Variants in JAKMIP1 observed in about 807,000 individuals in gnomAD.
JAKMIP1 encodes janus kinase and microtubule-interacting protein 1.
JAKMIP1 carries 33 observed loss-of-function variants against 113.0 expected under a neutral mutation model. That is an observed-to-expected ratio of 0.29 (90% CI 0.22 to 0.39). JAKMIP1 has a LOEUF of 0.39. JAKMIP1 is among the 10% of genes least tolerant of loss of function. JAKMIP1 has a pLI of 1.00. For missense variants in JAKMIP1, 813 were observed against 1,080.5 expected (o/e 0.75, Z 3.47); for synonymous variants, 480 against 459.9 (o/e 1.04, Z -0.56).
At chr4:6,095,847 C>G (rs1449587384) in intron 3 of JAKMIP1, among the ~76,000 whole-genome samples, 4 of 152,222 alleles carry the variant, frequency 2.6e-5, no homozygotes, top group Admixed American at 2.6e-4. Flanking sequence ...ACAAGACAGA[C>G]TCAGTCCCTG....
In JAKMIP1 at chr4:6,129,969, C is replaced by A. The variant is rs1181869573; in HGVS notation, c.-147-16972G>T. Among the ~76,000 whole-genome samples the A allele has an allele frequency of 6.6e-6, 1 of 152,186 alleles. No homozygotes were observed. Among genetic ancestry groups the A allele is most frequent in the Admixed American group, 6.5e-5 (1 of 15,278 alleles). ...CTAACAAGTCCATCTTGATATGTCC[C>A]AGTGAAGCCAAGTTCAGGAGAAGAG... On this transcript the variant is annotated intron_variant, in intron 1 of 20. Coordinates refer to ENST00000409021, the MANE Select transcript of JAKMIP1 (RefSeq NM_001099433.2). The surrounding 1 kb of genome is among the most constrained non-coding windows in gnomAD (Gnocchi z 5.4).
Position 6,137,650 on chromosome 4 carries a change from C to G in JAKMIP1, c.-147-24653G>C, listed in dbSNP as rs1719442492. 6.6e-6 allele frequency among the ~76,000 whole-genome samples: 1 copy of G among 152,228 alleles called. No homozygotes were observed. The highest frequency in any genetic ancestry group is 6.5e-5 in the Admixed American group (1 of 15,282). ...CCCACAGGGGACCAAATGAGCTATC[C>G]TGAAATGCGGAGGCTAAAGAGCCAC... On this transcript the variant is annotated intron_variant, in intron 1 of 20. Transcript: ENST00000409021. This position sits in a 1 kb window ranked among gnomAD's most constrained non-coding sequence, Gnocchi z 4.5.
At position 6,078,922 on chromosome 4, in the gene JAKMIP1, C is replaced by T; in HGVS notation, c.1302+17G>A. On this transcript the variant is annotated intron_variant, in intron 8 of 20. Coordinates refer to ENST00000409021, the MANE Select transcript of JAKMIP1 (RefSeq NM_001099433.2). ...ACACAGCGGCAAGGTAGGGCAGGTG[C>T]ACCATCGCAGGCTCACCTTGGGCGG... The T allele has an allele frequency of 6.2e-7, 1 of 1,613,556 alleles. No individual in the cohort carries two copies. Among genetic ancestry groups the T allele is most frequent in the South Asian group, 1.1e-5 (1 of 91,066 alleles).
At chr4:6,125,011 A>T (rs771958634) in intron 1 of JAKMIP1, among the ~76,000 whole-genome samples, 26 of 152,190 alleles carry the variant, frequency 1.7e-4, no homozygotes, top group Non-Finnish European at 3.4e-4. Context: ...TGTAGGTCAC[A>T]GAGGGAGTAG....
Position 6,057,006 on chromosome 4 carries a change from G to A in JAKMIP1, c.1645-247C>T, listed in dbSNP as rs188071472. Among the ~76,000 whole-genome samples the A allele has an allele frequency of 1.9e-4, 29 of 152,262 alleles. No individual in the cohort carries two copies. In the East Asian group the frequency reaches 3.9e-3, roughly 20 times the overall value. On this transcript the variant is annotated intron_variant, in intron 11 of 20. Coordinates refer to ENST00000409021, the MANE Select transcript of JAKMIP1 (RefSeq NM_001099433.2). ...AAAGCACAATGACTCCATTCTGTCC[G>A]TCTAATTAACAGAAACATGCCTCCA...
Position 6,050,781 on chromosome 4 carries a change from C to T in JAKMIP1, c.1807-102G>A. On this transcript the variant is annotated intron_variant, in intron 13 of 20. Transcript: ENST00000409021. This position sits in a 1 kb window ranked among gnomAD's most constrained non-coding sequence, Gnocchi z 7.4. ...AAAAACCAAGGAATTCCAGTGGGCA[C>T]AGACGTTACTAAAAAGCACGAGTTC... 1.1e-6 allele frequency: 1 copy of T among 907,578 alleles called. No homozygotes were observed. Among genetic ancestry groups the T allele is most frequent in the Non-Finnish European group, 1.7e-6 (1 of 580,938 alleles). The allele number at this position is 907,578 out of a possible 1,614,324, so 56.2% of individuals were successfully genotyped here. A position where few individuals can be genotyped will look rare whatever the true frequency, so the allele number is the denominator to read the frequency against.
chr4:6,124,228 G>T (rs563037683), intron 1 of JAKMIP1, among the ~76,000 whole-genome samples: 3 of 152,338 alleles, frequency 2.0e-5, no homozygotes, highest in Admixed American at 2.0e-4. Context: ...GCTAATCCCA[G>T]AGAGGGCCAC....
At position 6,197,194 on chromosome 4, in the gene JAKMIP1, C is replaced by T. The variant is rs1050558696; in HGVS notation, c.-148+3059G>A. On this transcript the variant is annotated intron_variant, in intron 1 of 20. Transcript: ENST00000409021. The surrounding 1 kb of genome is among the most constrained non-coding windows in gnomAD (Gnocchi z 6.5). ...GTGAGTACAGGGGCTAAGCGACTTG[C>T]CCAACGTCACACTGTCAGTAGGGTG... 6.6e-6 allele frequency among the ~76,000 whole-genome samples: 1 copy of T among 152,310 alleles called. No homozygotes were observed. Among genetic ancestry groups the T allele is most frequent in the Admixed American group, 6.5e-5 (1 of 15,302 alleles).
At chr4:6,113,487 A>G (rs2108891604) in intron 1 of JAKMIP1, among the ~76,000 whole-genome samples, 1 of 152,314 alleles carries the variant, frequency 6.6e-6, no homozygotes, top group South Asian at 2.1e-4. Flanking sequence ...TGAGGACCAC[A>G]CTTAGAGAAA....
rs1714187756 is a variant in JAKMIP1, at chr4:6,040,667, C to T, written c.2147G>A (p.Arg716Gln). The T allele has an allele frequency of 1.9e-6, 3 of 1,613,432 alleles. No homozygotes were observed. The highest frequency in any genetic ancestry group is 1.7e-5 in the Admixed American group (1 of 59,922). ...GTAAGCCTGGTCAAGGGCTTGCTTCCGGTAGTCGAGCTCCTCTTCCAGGTA... is the reference window on the plus strand; with the variant it reads ...GTAAGCCTGGTCAAGGGCTTGCTTCTGGTAGTCGAGCTCCTCTTCCAGGTA... ...KGYLEEELDY[R>Q]KQALDQAYLK... The change falls in exon 18 of 21, where the codon CGG becomes CAG. Residue 716 changes from arginine to glutamine, a missense_variant. Physicochemically the swap from Arg to Gln is conservative, Grantham distance 43 (BLOSUM62 1). Around this residue, in one of 2 missense-constraint regions of JAKMIP1, gnomAD observed 273 missense variants for 426.6 expected, o/e 0.64. Transcript: ENST00000409021. This position sits in a 1 kb window ranked among gnomAD's most constrained non-coding sequence, Gnocchi z 5.8.
chr4:6,080,132 C>A lies in JAKMIP1; in HGVS notation c.1242+40G>T. 6.5e-7 allele frequency: 1 copy of A among 1,544,126 alleles called. No homozygotes were observed. The highest frequency in any genetic ancestry group is 8.7e-7 in the Non-Finnish European group (1 of 1,143,120). ...CTGACACCCATGTCAGCTGGTGCCA[C>A]CCCTGCCAGGGGCAGCCGCGCCAGC... On this transcript the variant is annotated intron_variant, in intron 7 of 20. Transcript: ENST00000409021. The surrounding 1 kb of genome is among the most constrained non-coding windows in gnomAD (Gnocchi z 6.0).
chr4:6,121,199 CAAAAA>C (rs33951121), intron 1 of JAKMIP1, among the ~76,000 whole-genome samples: 2 of 128,374 alleles, frequency 1.6e-5, no homozygotes. Flanking sequence ...GACCTTGTCT[CAAAAA>C]AAAAAAAAAA....
In JAKMIP1 at chr4:6,138,667, C is replaced by T. The variant is rs1382568320; in HGVS notation, c.-147-25670G>A. Among the ~76,000 whole-genome samples, 2 of 152,142 alleles carry T rather than the reference C, an allele frequency of 1.3e-5. No homozygotes were observed. The highest frequency in any genetic ancestry group is 6.5e-5 in the Admixed American group (1 of 15,280). On this transcript the variant is annotated intron_variant, in intron 1 of 20. Coordinates refer to ENST00000409021, the MANE Select transcript of JAKMIP1 (RefSeq NM_001099433.2). This position sits in a 1 kb window ranked among gnomAD's most constrained non-coding sequence, Gnocchi z 6.0. ...ACCTACATCCACTGGCAGAACTTCA[C>T]GTTCTAGAACCACGGAATGGCCGTG... is the stretch of plus-strand genomic sequence containing the variant.
chr4:6,126,661 T>C (rs1717707331), intron 1 of JAKMIP1, among the ~76,000 whole-genome samples: 1 of 127,948 alleles, frequency 7.8e-6, no homozygotes, highest in Admixed American at 8.0e-5. Flanking sequence ...ACACCACACA[T>C]GCCCCCCCCA....
At position 6,080,096 on chromosome 4, in the gene JAKMIP1, A is replaced by G; in HGVS notation, c.1242+76T>C. The G allele has an allele frequency of 6.7e-7, 1 of 1,489,650 alleles. No homozygotes were observed. 92.3% of individuals were successfully genotyped at this position (1,489,650 alleles called of 1,614,324 possible). A position where few individuals can be genotyped will look rare whatever the true frequency, so the allele number is the denominator to read the frequency against. On this transcript the variant is annotated intron_variant, in intron 7 of 20. Transcript: ENST00000409021. The surrounding 1 kb of genome is among the most constrained non-coding windows in gnomAD (Gnocchi z 6.0). ...GCTCAGCAGCATCACCCTGAGCCCC[A>G]ACACCCGTTCCTGACACCCATGTCA...
chr4:6,081,585 G>A lies in JAKMIP1; in HGVS notation c.1101+24C>T, dbSNP rs1458932926. The A allele has an allele frequency of 5.6e-6, 9 of 1,613,636 alleles. No individual in the cohort carries two copies. The highest frequency in any genetic ancestry group is 4.0e-5 in the African/African-American group (3 of 75,034). On this transcript the variant is annotated intron_variant, in intron 6 of 20. Transcript: ENST00000409021. This position sits in a 1 kb window ranked among gnomAD's most constrained non-coding sequence, Gnocchi z 4.6. ...AGACAGAGAAGGGAGTGTCAGGGCT[G>A]TCCCCAAGGGGTCCACAGCTCACCA... is the stretch of plus-strand genomic sequence containing the variant.
chr4:6,113,974 ATCATG>A (rs1408443914), intron 1 of JAKMIP1, among the ~76,000 whole-genome samples: 1 of 152,214 alleles, frequency 6.6e-6, no homozygotes, highest in Non-Finnish European at 1.5e-5. Flanking sequence ...TGAGGCACCC[ATCATG>A]TGCCAGGGCC....
chr4:6,166,036 G>A (rs564397423), intron 1 of JAKMIP1, among the ~76,000 whole-genome samples: 5 of 152,188 alleles, frequency 3.3e-5, no homozygotes, highest in African/African-American at 1.2e-4. Flanking sequence ...CACCTCCTGG[G>A]TACCTGTCCA....
Position 6,081,766 on chromosome 4 carries a change from A to G in JAKMIP1, c.955-11T>C, listed in dbSNP as rs779431156. ...TCGTGAGCGTTTCAGCTGTGGTTGG[A>G]AACAGACACAGAGGCTCAGACAACT... On this transcript the variant is annotated splice_polypyrimidine_tract_variant and intron_variant, in intron 5 of 20. Transcript: ENST00000409021. This position sits in a 1 kb window ranked among gnomAD's most constrained non-coding sequence, Gnocchi z 4.6. 6 of 1,614,028 alleles carry G rather than the reference A, an allele frequency of 3.7e-6. No individual in the cohort carries two copies. Among genetic ancestry groups the G allele is most frequent in the African/African-American group, 2.7e-5 (2 of 74,920 alleles).
Sources: allele counts gnomAD v4.1 joint callset (sites outside exome capture counted in the v4.1 genomes callset), GRCh38; gene constraint gnomAD v4.1.1; regional missense constraint gnomAD v4.1.1; non-coding constraint Gnocchi (gnomAD v3.1); transcripts MANE v1.5; gene names NCBI Gene and HGNC (gene_info 2026-07-23, HGNC 2026-07-21).